ENAH: variants seen among roughly 807,000 people sequenced by gnomAD.
The protein encoded by ENAH is protein enabled homolog.
In ENAH, 23 loss-of-function variants were observed where a neutral mutation model predicts 78.7. The ratio of observed to expected loss-of-function variants is 0.29; its 90% CI spans 0.21 to 0.41. ENAH has a LOEUF of 0.41. ENAH is among the 10% of genes least tolerant of loss of function. The pLI, the probability that ENAH is intolerant of heterozygous loss-of-function variation, is 1.00. For synonymous variants in ENAH, 226 were observed against 241.0 expected (o/e 0.94, Z 0.58); for missense variants, 544 against 691.0 (o/e 0.79, Z 2.39).
At chr1:225,592,104 G>A (rs2096880001) in intron 1 of ENAH, among the ~76,000 whole-genome samples, 1 of 152,158 alleles carries the variant, frequency 6.6e-6, no homozygotes, top group East Asian at 1.9e-4. Context: ...GGTACTCAGC[G>A]ATGTTACTCA....
At chr1:225,555,186 G>T (rs1558805649) in intron 2 of ENAH, 103 bp from the exon 3 acceptor site, 1 of 993,306 alleles carries the variant, frequency 1.0e-6, no homozygotes, top group African/African-American at 1.6e-5. Flanking sequence ...GTTCCTAACA[G>T]ACCTTGGCAA....
chr1:225,528,236 C>T (rs973197577), intron 4 of ENAH, among the ~76,000 whole-genome samples: 1 of 152,138 alleles, frequency 6.6e-6, no homozygotes, highest in Non-Finnish European at 1.5e-5. Flanking sequence ...ATACAAAACA[C>T]TGTGTGATTA....
chr1:225,617,484 A>G (rs1336439319), intron 1 of ENAH, among the ~76,000 whole-genome samples: 1 of 152,246 alleles, frequency 6.6e-6, no homozygotes, highest in Non-Finnish European at 1.5e-5. Flanking sequence ...GCATAAACCC[A>G]AATTAAAAGC....
chr1:225,642,026 TAAAAATA>T (rs141903414), intron 1 of ENAH, among the ~76,000 whole-genome samples: 12,910 of 150,720 alleles, frequency 0.086, 634 homozygotes, highest in Admixed American at 0.14. Flanking sequence ...ATCTCAAAAA[TAAAAATA>T]AGAACAAATA....
intron 3 of ENAH, among the ~76,000 whole-genome samples, chr1:225,541,550 G>A (rs2096588903): frequency 6.6e-6 from 1 of 152,192 alleles, no homozygotes; most frequent in African/African-American, 2.4e-5. Flanking sequence ...TATGGTATGT[G>A]AAGTAAAGCT....
intron 1 of ENAH, among the ~76,000 whole-genome samples, chr1:225,591,764 C>CAA (rs55680042): frequency 0.035 from 1,383 of 39,404 alleles, 144 homozygotes; most frequent in African/African-American, 0.08. Flanking sequence ...GACTCCGTCT[C>CAA]AAAAAAAAAA....
upstream of ENAH, chr1:225,653,254 GGGCCGGGCGCACTCCCCCGCGCCGGC>G (rs1246365205): frequency 2.0e-5 from 3 of 151,094 alleles, no homozygotes; most frequent in Non-Finnish European, 3.0e-5. The surrounding 1 kb of genome is among the most constrained non-coding windows in gnomAD (Gnocchi z 4.3). Context: ...GGGAGGCGGG[GGGCCGGGCGCACTCCCCCGCGCCGGC>G]GGCCGGGCCC....
At chr1:225,517,737 T>C (rs985012991) in intron 5 of ENAH, 49 of 1,551,026 alleles carry the variant, frequency 3.2e-5, no homozygotes, top group Non-Finnish European at 4.0e-5. Flanking sequence ...GACGAGGAAC[T>C]GTAGCGTAAT....
At chr1:225,574,900 CAAAAAAAAAAAAAAA>C (rs1160881680) in intron 1 of ENAH, among the ~76,000 whole-genome samples, 1 of 1,552 alleles carries the variant, frequency 6.4e-4, no homozygotes, top group Non-Finnish European at 8.2e-4. Context: ...GACTCCGTCT[CAAAAAAAAAAAAAAA>C]AAAAATATAT....
chr1:225,522,978 G>A (rs1177741614), intron 4 of ENAH, among the ~76,000 whole-genome samples: 1 of 151,970 alleles, frequency 6.6e-6, no homozygotes, highest in Non-Finnish European at 1.5e-5. Context: ...AAAATCAGTA[G>A]TTCACTGCCT....
At chr1:225,625,524 T>A (rs1459113766) in intron 1 of ENAH, among the ~76,000 whole-genome samples, 1 of 152,164 alleles carries the variant, frequency 6.6e-6, no homozygotes, top group Admixed American at 6.5e-5. Context: ...GTTTCCTGTA[T>A]TTTTGTTTAT....
At chr1:225,548,092 G>C (rs978901963) in intron 3 of ENAH, among the ~76,000 whole-genome samples, 5 of 151,122 alleles carry the variant, frequency 3.3e-5, no homozygotes, top group South Asian at 2.1e-4. Flanking sequence ...TAGAAAAAAA[G>C]AAAACACCCA....
chr1:225,500,874 A>G, intron 12 of ENAH, 118 bp downstream of exon 12: 1 of 934,172 alleles, frequency 1.1e-6, no homozygotes. Context: ...TAATTTGTAT[A>G]ACAATAGCTC....
At chr1:225,570,058 T>C (rs2096753181) in intron 1 of ENAH, among the ~76,000 whole-genome samples, 1 of 151,260 alleles carries the variant, frequency 6.6e-6, no homozygotes, top group African/African-American at 2.4e-5. Flanking sequence ...ATACAAAAAT[T>C]AGCTGGGTGT....
intron 3 of ENAH, among the ~76,000 whole-genome samples, chr1:225,541,348 T>C (rs915132827): frequency 6.6e-6 from 1 of 152,042 alleles, no homozygotes. Flanking sequence ...GGCAGGAGAA[T>C]TGCTTGAACC....
intron 1 of ENAH, among the ~76,000 whole-genome samples, chr1:225,576,936 A>C (rs1009786516): frequency 1.3e-5 from 2 of 152,072 alleles, no homozygotes; most frequent in Non-Finnish European, 2.9e-5. Context: ...GGAGTTCAAG[A>C]CCAGCCTGGG....
intron 12 of ENAH, among the ~76,000 whole-genome samples, chr1:225,499,737 G>T (rs1345830567): frequency 6.6e-6 from 1 of 152,152 alleles, no homozygotes; most frequent in Non-Finnish European, 1.5e-5. Context: ...CCATGACAAA[G>T]TGACACAATT....
chr1:225,571,356 G>A (rs2096761331), intron 1 of ENAH, among the ~76,000 whole-genome samples: 1 of 151,598 alleles, frequency 6.6e-6, no homozygotes, highest in African/African-American at 2.4e-5. Flanking sequence ...CTGGGCGACA[G>A]AGTGAGACTC....
At chr1:225,552,877 C>T (rs2096648002) in intron 3 of ENAH, among the ~76,000 whole-genome samples, 3 of 152,116 alleles carry the variant, frequency 2.0e-5, no homozygotes, top group Admixed American at 1.3e-4. Flanking sequence ...ATGCTTATTA[C>T]CTTACAATAG....
Sources: gnomAD v4.1 joint callset for allele counts (sites outside exome capture counted in the v4.1 genomes callset) on GRCh38, gnomAD v4.1.1 for gene constraint, Gnocchi (gnomAD v3.1) non-coding constraint, MANE v1.5 for transcripts, NCBI Gene and HGNC (gene_info 2026-07-23, HGNC 2026-07-21) for gene names.